The following DGKB variants were observed in gnomAD, a reference collection of about 807,000 sequenced individuals.
DGKB encodes 90 kDa diacylglycerol kinase.
Under a neutral mutation model 114.3 loss-of-function variants are expected in DGKB, and 67 were observed. The observed-to-expected ratio is 0.59, with a 90% CI of 0.48 to 0.72. The LOEUF (loss-of-function observed/expected upper bound fraction) is 0.72. Among genes scored for constraint, DGKB ranks in the 30% least tolerant of loss-of-function variants. The pLI, the probability that DGKB is intolerant of heterozygous loss-of-function variation, is 0.00. For missense variants in DGKB, 907 were observed against 975.2 expected (o/e 0.93, Z 0.93); for synonymous variants, 398 against 323.1 (o/e 1.23, Z -2.49).
chr7:14,896,943 C>T (rs1023282560), intron 1 of DGKB, among the ~76,000 whole-genome samples: 3 of 151,718 alleles, frequency 2.0e-5, no homozygotes, highest in African/African-American at 7.3e-5. Context: ...AAATACACAA[C>T]TTGGGATTCT....
At chr7:14,201,276 C>T (rs1443279283) in intron 23 of DGKB, among the ~76,000 whole-genome samples, 1 of 143,150 alleles carries the variant, frequency 7.0e-6, no homozygotes, top group African/African-American at 3.0e-5. Flanking sequence ...ATAACTTAAT[C>T]AACTCCCAAA....
At chr7:14,655,281 A>C (rs1271563688) in intron 13 of DGKB, among the ~76,000 whole-genome samples, 3 of 150,536 alleles carry the variant, frequency 2.0e-5, no homozygotes, top group Non-Finnish European at 2.9e-5. Flanking sequence ...AAAGTATATA[A>C]AAAATGTTCA....
At chr7:14,348,107 G>A (rs967159215) in intron 21 of DGKB, among the ~76,000 whole-genome samples, 3 of 151,820 alleles carry the variant, frequency 2.0e-5, no homozygotes, top group Admixed American at 6.6e-5. Context: ...GAACAGTCCC[G>A]TCACCACAAG....
At chr7:14,828,732 C>T (rs1414566381) in intron 2 of DGKB, among the ~76,000 whole-genome samples, 1 of 152,142 alleles carries the variant, frequency 6.6e-6, no homozygotes, top group Non-Finnish European at 1.5e-5. Context: ...AAAGTTTCTG[C>T]ATTAACAGAT....
chr7:14,368,711 A>G (rs1022417901), intron 21 of DGKB, among the ~76,000 whole-genome samples: 1 of 152,064 alleles, frequency 6.6e-6, no homozygotes. Context: ...AAAAAAAGCT[A>G]AGTGCAAAGA....
chr7:14,568,912 T>C (rs1378527759), intron 20 of DGKB, among the ~76,000 whole-genome samples: 1 of 152,188 alleles, frequency 6.6e-6, no homozygotes, highest in Non-Finnish European at 1.5e-5. Flanking sequence ...GCAGAAGGGT[T>C]CCTAAAGACA....
chr7:14,361,843 T>G (rs1171948794), intron 21 of DGKB, among the ~76,000 whole-genome samples: 1 of 151,978 alleles, frequency 6.6e-6, no homozygotes, highest in Non-Finnish European at 1.5e-5. Context: ...CATCAACAAA[T>G]AGCCAAATCA....
At chr7:14,645,847 T>G (rs1300192501) in intron 13 of DGKB, among the ~76,000 whole-genome samples, 1 of 152,032 alleles carries the variant, frequency 6.6e-6, no homozygotes, top group African/African-American at 2.4e-5. Flanking sequence ...GTTCAACATC[T>G]GAAGGCAAAA....
At chr7:14,235,814 A>C (rs1792674512) in intron 23 of DGKB, among the ~76,000 whole-genome samples, 1 of 152,080 alleles carries the variant, frequency 6.6e-6, no homozygotes, top group African/African-American at 2.4e-5. Flanking sequence ...TAGCTCCTTG[A>C]AACTAATTTA....
At chr7:14,722,580 G>A (rs1467340416) in intron 5 of DGKB, among the ~76,000 whole-genome samples, 2 of 152,252 alleles carry the variant, frequency 1.3e-5, no homozygotes, top group South Asian at 2.1e-4. Flanking sequence ...TTGGGAAGCC[G>A]AGGTGGGAGG....
At chr7:14,221,870 T>C (rs79669459) in intron 23 of DGKB, among the ~76,000 whole-genome samples, 2,888 of 151,506 alleles carry the variant, frequency 0.019, 100 homozygotes, top group African/African-American at 0.066. Context: ...CCATTTCTTC[T>C]TGAGTCAGTT....
At chr7:14,957,145 A>G (rs1445813372) in intron 1 of DGKB, among the ~76,000 whole-genome samples, 1 of 151,946 alleles carries the variant, frequency 6.6e-6, no homozygotes, top group Non-Finnish European at 1.5e-5. Flanking sequence ...AGTTTTTTTA[A>G]AAAAAGGGCA....
intron 6 of DGKB, among the ~76,000 whole-genome samples, chr7:14,716,739 G>C (rs1039642953): frequency 2.6e-5 from 4 of 152,032 alleles, no homozygotes; most frequent in Non-Finnish European, 5.9e-5. Flanking sequence ...GAAAGAGCCA[G>C]GCATTGGCAT....
intron 13 of DGKB, among the ~76,000 whole-genome samples, chr7:14,659,115 C>T (rs1044488580): frequency 6.6e-6 from 1 of 151,918 alleles, no homozygotes; most frequent in African/African-American, 2.4e-5. Flanking sequence ...GTTCCCTTCC[C>T]TGTGCCCATG....
intron 13 of DGKB, among the ~76,000 whole-genome samples, chr7:14,661,981 C>A (rs1466257767): frequency 6.6e-6 from 1 of 152,012 alleles, no homozygotes; most frequent in East Asian, 1.9e-4. Context: ...CGCATATTCT[C>A]ACTCATAGGT....
intron 2 of DGKB, among the ~76,000 whole-genome samples, chr7:14,804,031 C>A (rs779545325): frequency 9.3e-5 from 14 of 150,944 alleles, no homozygotes; most frequent in Admixed American, 4.6e-4. Context: ...TAACTCATTT[C>A]ATTTGTGAGT....
At chr7:14,597,453 A>G (rs1802777951) in intron 17 of DGKB, among the ~76,000 whole-genome samples, 2 of 152,184 alleles carry the variant, frequency 1.3e-5, no homozygotes, top group South Asian at 2.1e-4. Flanking sequence ...ATTTGTATCA[A>G]TTTTATCAAA....
intron 1 of DGKB, among the ~76,000 whole-genome samples, chr7:14,848,294 G>A (rs1315807330): frequency 6.6e-6 from 1 of 152,182 alleles, no homozygotes; most frequent in Non-Finnish European, 1.5e-5. Context: ...AGGGGATCAA[G>A]AATGACTCCT....
intron 20 of DGKB, among the ~76,000 whole-genome samples, chr7:14,541,757 T>C (rs1288446772): frequency 6.6e-6 from 1 of 152,230 alleles, no homozygotes; most frequent in African/African-American, 2.4e-5. Flanking sequence ...GCTGAAACCC[T>C]TTCTTCCATG....
Sources: gnomAD v4.1 joint callset for allele counts (sites outside exome capture counted in the v4.1 genomes callset) on GRCh38, gnomAD v4.1.1 for gene constraint, MANE v1.5 for transcripts, NCBI Gene and HGNC (gene_info 2026-07-23, HGNC 2026-07-21) for gene names.